The following CRYBG3 variants were observed in gnomAD, a reference collection of about 807,000 sequenced individuals.
CRYBG3 encodes the protein very large A-kinase anchor protein.
A neutral mutation model predicts 244.2 loss-of-function variants in CRYBG3; 127 were observed. The observed-to-expected ratio is 0.52, with a 90% CI of 0.45 to 0.60. The LOEUF (loss-of-function observed/expected upper bound fraction) is 0.60, where lower values mean the gene tolerates loss of function less well. CRYBG3 is among the 20% of genes least tolerant of loss of function. The pLI is 0.00. For synonymous variants in CRYBG3, 1,132 were observed against 1,195.8 expected, an observed-to-expected ratio of 0.95 and a Z score of 1.10; for missense variants, 3,325 against 3,442.5, an observed-to-expected ratio of 0.97 and a Z score of 0.85.
At chr3:97,861,558 A>G (rs2039148790) in intron 2 of CRYBG3, among the ~76,000 whole-genome samples, 1 of 152,184 alleles carries the variant, frequency 6.6e-6, no homozygotes, top group South Asian at 2.1e-4. Flanking sequence ...AACATGAGGG[A>G]AAAACATTGA....
intron 10 of CRYBG3, among the ~76,000 whole-genome samples, chr3:97,891,114 G>A (rs2039570749): frequency 6.6e-6 from 1 of 152,096 alleles, no homozygotes; most frequent in Admixed American, 6.6e-5. Flanking sequence ...AGCATTGTAA[G>A]AAACAGTATG....
At chr3:97,922,472 G>C (rs1213114675) in intron 17 of CRYBG3, among the ~76,000 whole-genome samples, 2 of 152,036 alleles carry the variant, frequency 1.3e-5, no homozygotes, top group African/African-American at 2.4e-5. Context: ...AATCTACAAA[G>C]AACTCAAACA....
chr3:97,941,102 C>A lies in CRYBG3; in HGVS notation c.8506-46C>A, dbSNP rs912964549. ...TTTCCTCCTCTGGAAGGATTCATTT[C>A]CAGATTCAAAAGTTTATTTCTAAAT... On this transcript the variant is annotated intron_variant, in intron 19 of 21. Transcript: ENST00000389622. The A allele has an allele frequency of 3.3e-6, 5 of 1,528,402 alleles. No individual in the cohort carries two copies. The East Asian group carries it at 9.2e-5, about 28-fold the overall frequency. The allele number at this position is 1,528,402 out of a possible 1,614,324, so 94.7% of individuals were successfully genotyped here. A position where few individuals can be genotyped will look rare whatever the true frequency, so the allele number is the denominator to read the frequency against.
At chr3:97,887,737 C>T (rs752263404) in intron 8 of CRYBG3, among the ~76,000 whole-genome samples, 3 of 152,080 alleles carry the variant, frequency 2.0e-5, no homozygotes, top group Non-Finnish European at 2.9e-5. Flanking sequence ...GCCTGGGCAA[C>T]AAGAGCAAAA....
At chr3:97,879,532 T>C (rs2039421474) in intron 4 of CRYBG3, among the ~76,000 whole-genome samples, 172 bp from the exon 5 acceptor site, 1 of 152,210 alleles carries the variant, frequency 6.6e-6, no homozygotes, top group Non-Finnish European at 1.5e-5. Flanking sequence ...AGACAATGTG[T>C]TAATTTCCTA....
At chr3:97,880,577 C>G (rs545378454) in intron 6 of CRYBG3, among the ~76,000 whole-genome samples, 1 of 152,308 alleles carries the variant, frequency 6.6e-6, no homozygotes, top group South Asian at 2.1e-4. Context: ...TGGACCATGA[C>G]CCATGGACAT....
rs2039334293 is a variant in CRYBG3 at position 97,873,770 on chromosome 3, T to C, written c.2576T>C (p.Phe859Ser). The change falls in exon 4 of 22, where the codon TTT becomes TCT. Residue 859 changes from phenylalanine to serine, a missense_variant. Physicochemically the swap from Phe to Ser is radical, Grantham distance 155 (BLOSUM62 -2). Coordinates refer to ENST00000389622, the MANE Select transcript of CRYBG3 (RefSeq NM_153605.4). ...RNISQDKMSS[F>S]PLKITHVPEK... ...ATTTCTCAGGATAAAATGTCTTCTT[T>C]TCCATTGAAAATTACCCATGTTCCA... 1.3e-6 allele frequency: 2 copies of C among 1,534,134 alleles called. No individual in the cohort carries two copies. Among genetic ancestry groups the C allele is most frequent in the Non-Finnish European group, 8.7e-7 (1 of 1,146,416 alleles).
chr3:97,898,922 C>T lies in CRYBG3; in HGVS notation c.7741C>T (p.Leu2581=). 1 of 1,607,116 alleles carries T rather than the reference C, an allele frequency of 6.2e-7. No individual in the cohort carries two copies. Among genetic ancestry groups the T allele is most frequent in the East Asian group, 2.2e-5 (1 of 44,732 alleles). The change falls in exon 13 of 22, where the codon CTA becomes TTA. Residue 2581 remains leucine, a synonymous_variant. Transcript: ENST00000389622. ...TTCTGTCACACTATTTGAATCTGAC[C>T]TAGAAAGTGGGAAGTTTATTGACAT... ...ESSVTLFESD[L]ESGKFIDITN...
At chr3:97,911,824 T>A (rs2039876083) in intron 15 of CRYBG3, among the ~76,000 whole-genome samples, 1 of 152,214 alleles carries the variant, frequency 6.6e-6, no homozygotes, top group Admixed American at 6.5e-5. Flanking sequence ...ACATAGGGCA[T>A]AATGATTTTT....
Position 97,876,403 on chromosome 3 carries a change from G to A in CRYBG3, c.5209G>A (p.Glu1737Lys). 1 of 1,232,126 alleles carries A rather than the reference G, an allele frequency of 8.1e-7. No homozygotes were observed. 76.3% of individuals were successfully genotyped at this position (1,232,126 alleles called of 1,614,324 possible). Residue 1737 changes from glutamate (E) to lysine (K), a missense_variant, in exon 4 of 22, where the codon GAA becomes AAA. Physicochemically the swap from Glu to Lys is moderately conservative, Grantham distance 56. This residue lies in a region of CRYBG3 where 635 missense variants were observed against 771.7 expected (regional missense o/e 0.82). Coordinates refer to ENST00000389622, the MANE Select transcript of CRYBG3 (RefSeq NM_153605.4). The stretch of plus-strand genomic sequence containing the variant: ...GGCTGAAGTGATGCCTGTGAGGTTA[G>A]AAATGGAAAATACTTACCCAAAGGA... ...GKAEVMPVRL[E>K]MENTYPKDTE...
At chr3:97,924,024 G>T (rs1020891530) in intron 17 of CRYBG3, among the ~76,000 whole-genome samples, 15 of 151,992 alleles carry the variant, frequency 9.9e-5, no homozygotes, top group African/African-American at 3.4e-4. Context: ...AACATGTAGG[G>T]TCACTTATCC....
intron 1 of CRYBG3, among the ~76,000 whole-genome samples, chr3:97,823,725 T>C (rs1014496313): frequency 6.6e-6 from 1 of 152,224 alleles, no homozygotes; most frequent in Admixed American, 6.5e-5. Context: ...TTGGATAATA[T>C]GAACGCAGTC....
chr3:97,866,099 A>T (rs2039227433), intron 3 of CRYBG3, among the ~76,000 whole-genome samples: 1 of 152,210 alleles, frequency 6.6e-6, no homozygotes, highest in Non-Finnish European at 1.5e-5. Flanking sequence ...TATTTTCATT[A>T]TCAAGGAAAT....
intron 1 of CRYBG3, among the ~76,000 whole-genome samples, chr3:97,841,591 C>G (rs1192780497): frequency 6.6e-6 from 1 of 151,976 alleles, no homozygotes; most frequent in Non-Finnish European, 1.5e-5. Context: ...TAAATCGTGT[C>G]CTCTCTTTCC....
intron 17 of CRYBG3, among the ~76,000 whole-genome samples, chr3:97,927,934 G>A (rs1353977794): frequency 6.6e-6 from 1 of 152,004 alleles, no homozygotes; most frequent in African/African-American, 2.4e-5. Flanking sequence ...GTGGAGAAAA[G>A]GGAATGTTTA....
Position 97,877,788 on chromosome 3 carries a change from G to C in CRYBG3, c.6594G>C (p.Val2198=). 1 of 1,614,046 alleles carries C rather than the reference G, an allele frequency of 6.2e-7. No homozygotes were observed. The highest frequency in any genetic ancestry group is 8.5e-7 in the Non-Finnish European group (1 of 1,179,990). ...TTGGAATTTCTAAGAATTCATATGT[G>C]ATGCCAAATGAACCTACTACCTCCA... ...ESVGISKNSY[V]MPNEPTTSNL... is the part of the protein sequence containing the mutation. The change falls in exon 4 of 22, where the codon GTG becomes GTC. Residue 2198 remains valine (V), a synonymous_variant. Transcript: ENST00000389622.
chr3:97,873,314 A>AC lies in CRYBG3; in HGVS notation c.2122dup (p.His708ProfsTer3). On this transcript the variant is annotated frameshift_variant, in exon 4 of 22. Coordinates refer to ENST00000389622, the MANE Select transcript of CRYBG3 (RefSeq NM_153605.4). LOFTEE classifies it high-confidence loss of function. ...AAGTGTAAAGAAGAAAATGTGAAAA[A>AC]CCATGTTGAGGCTGCAGGCAGGAAG... 6.5e-7 allele frequency: 1 copy of AC among 1,535,742 alleles called. No homozygotes were observed. Among genetic ancestry groups the AC allele is most frequent in the Non-Finnish European group, 8.7e-7 (1 of 1,146,762 alleles).
intron 11 of CRYBG3, among the ~76,000 whole-genome samples, chr3:97,893,258 T>C (rs1472679920): frequency 6.6e-6 from 1 of 152,198 alleles, no homozygotes; most frequent in Non-Finnish European, 1.5e-5. Flanking sequence ...CTATAAGAAT[T>C]GCAAGATAAA....
At chr3:97,863,120 T>C (rs2039174020) in intron 2 of CRYBG3, among the ~76,000 whole-genome samples, 1 of 152,184 alleles carries the variant, frequency 6.6e-6, no homozygotes, top group Admixed American at 6.6e-5. Flanking sequence ...GAACCTAAAG[T>C]GCCCTAAGGT....
Sources: gnomAD v4.1 joint callset for allele counts (sites outside exome capture counted in the v4.1 genomes callset) on GRCh38, gnomAD v4.1.1 for gene constraint, gnomAD v4.1.1 regional missense constraint, MANE v1.5 for transcripts, NCBI Gene and HGNC (gene_info 2026-07-23, HGNC 2026-07-21) for gene names.